Variants in KCNQ1OT1 observed in about 807,000 individuals in gnomAD.
KCNQ1OT1 encodes KCNQ1 opposite strand/antisense transcript 1.
At chr11:2,646,637 C>T (rs1057069327) in exon 1 of KCNQ1OT1, 1 of 398,498 alleles carries the variant, frequency 2.5e-6, no homozygotes, top group Non-Finnish European at 4.4e-6. Flanking sequence ...GTGATCCTCC[C>T]ATCTCAGCCT....
At chr11:2,628,658 T>C in exon 1 of KCNQ1OT1, 1 of 398,428 alleles carries the variant, frequency 2.5e-6, no homozygotes, top group Admixed American at 4.4e-5. Context: ...TCTAATTTAT[T>C]TTTGCGTTTT....
exon 1 of KCNQ1OT1, chr11:2,692,226 TGCCCATCACCTCAA>T: frequency 2.5e-6 from 1 of 398,998 alleles, no homozygotes; most frequent in Non-Finnish European, 4.4e-6. Flanking sequence ...CCTCACCACC[TGCCCATCACCTCAA>T]GCCCATCACC....
At chr11:2,630,273 A>C (rs1445017680) in exon 1 of KCNQ1OT1, 1 of 398,092 alleles carries the variant, frequency 2.5e-6, no homozygotes, top group Non-Finnish European at 4.4e-6. Context: ...CATGTTTGTG[A>C]TATATGATTT....
chr11:2,643,860 T>G (rs113823693), exon 1 of KCNQ1OT1: 4 of 398,594 alleles, frequency 1.0e-5, no homozygotes, highest in African/African-American at 4.1e-5. Context: ...ATAACTTTGC[T>G]AAGTACAGTA....
In KCNQ1OT1 at chr11:2,670,344, G is replaced by A. The variant is rs1222549388; in HGVS notation, n.29651C>T. The A allele has an allele frequency of 5.0e-6, 2 of 398,438 alleles. No individual in the cohort carries two copies. The highest frequency in any genetic ancestry group is 8.8e-6 in the Non-Finnish European group (2 of 226,084). 24.7% of individuals were successfully genotyped at this position (398,438 alleles called of 1,614,324 possible). A position where few individuals can be genotyped will look rare whatever the true frequency, so the allele number is the denominator to read the frequency against. ...TATGGTAGCAGAGTTCAGACTCAGT[G>A]GCTTTCAGATGGTTAGTATAGGCTG... On this transcript the variant is annotated non_coding_transcript_exon_variant, in exon 1 of 1. Transcript: ENST00000597346. The surrounding 1 kb of genome is among the most constrained non-coding windows in gnomAD (Gnocchi z 4.9).
In KCNQ1OT1 at chr11:2,695,347, C is replaced by G. The variant is rs1325699648; in HGVS notation, n.4648G>C. On this transcript the variant is annotated non_coding_transcript_exon_variant, in exon 1 of 1. Transcript: ENST00000597346. The surrounding 1 kb of genome is among the most constrained non-coding windows in gnomAD (Gnocchi z 5.2). Reference sequence around the variant, plus strand: ...ATATCATTGTGTGTGTGTGTGTGCACTCACGAGCACTCCCTAGTACTGCGT... The same window carrying G: ...ATATCATTGTGTGTGTGTGTGTGCAGTCACGAGCACTCCCTAGTACTGCGT... 2.5e-6 allele frequency: 1 copy of G among 397,136 alleles called. No individual in the cohort carries two copies. Among genetic ancestry groups the G allele is most frequent in the Non-Finnish European group, 4.4e-6 (1 of 225,586 alleles). The allele number at this position is 397,136 out of a possible 1,614,324, so 24.6% of individuals were successfully genotyped here. A position where few individuals can be genotyped will look rare whatever the true frequency, so the allele number is the denominator to read the frequency against.
chr11:2,694,863 G>T lies in KCNQ1OT1; in HGVS notation n.5132C>A, dbSNP rs891388764. On this transcript the variant is annotated non_coding_transcript_exon_variant, in exon 1 of 1. Transcript: ENST00000597346. ...CAGGTCAGAGCAAAATTTCCTGTGA[G>T]ATTTAAATAAGAAGAAGGAATTGTC... 3 of 398,560 alleles carry T rather than the reference G, an allele frequency of 7.5e-6. No homozygotes were observed. In the Admixed American group the frequency reaches 1.3e-4, roughly 18 times the overall value. 24.7% of individuals were successfully genotyped at this position (398,560 alleles called of 1,614,324 possible).
exon 1 of KCNQ1OT1, chr11:2,634,135 A>ATT (rs35461041): frequency 0.54 from 206,716 of 379,818 alleles, 34,703 homozygotes; most frequent in Admixed American, 0.63. Flanking sequence ...TGTCTTTGGT[A>ATT]TTTTTTTTTT....
exon 1 of KCNQ1OT1, chr11:2,628,888 G>A (rs2133813483): frequency 2.5e-6 from 1 of 398,248 alleles, no homozygotes; most frequent in East Asian, 3.6e-5. Flanking sequence ...TCCCCATTGT[G>A]TACTCTTGGT....
At position 2,698,821 on chromosome 11, in the gene KCNQ1OT1, A is replaced by C; in HGVS notation, n.1174T>G. ...GACTCCCGATCCTCTGTCCCTAATG[A>C]GGCCCTACCTAAAACCACCATGCGG... On this transcript the variant is annotated non_coding_transcript_exon_variant, in exon 1 of 1. Transcript: ENST00000597346. The surrounding 1 kb of genome is among the most constrained non-coding windows in gnomAD (Gnocchi z 5.1). 2.5e-6 allele frequency: 1 copy of C among 398,714 alleles called. No homozygotes were observed. The highest frequency in any genetic ancestry group is 4.4e-5 in the Admixed American group (1 of 22,714). 24.7% of individuals were successfully genotyped at this position (398,714 alleles called of 1,614,324 possible). A position where few individuals can be genotyped will look rare whatever the true frequency, so the allele number is the denominator to read the frequency against.
At chr11:2,622,784 G>A (rs72850242) in exon 1 of KCNQ1OT1, 53,890 of 398,422 alleles carry the variant, frequency 0.14, 3,808 homozygotes, top group African/African-American at 0.18. Flanking sequence ...GAGATTTCCC[G>A]TATACCCACT....
Position 2,657,579 on chromosome 11 carries a change from C to T in KCNQ1OT1, n.42416G>A, listed in dbSNP as rs1849871944. ...CCCCTAATGTTAGCATCTTATATAA[C>T]CATGGTACATTGACCAAAACTAAAA... On this transcript the variant is annotated non_coding_transcript_exon_variant, in exon 1 of 1. Transcript: ENST00000597346. The surrounding 1 kb of genome is among the most constrained non-coding windows in gnomAD (Gnocchi z 4.8). 2.5e-6 allele frequency: 1 copy of T among 398,572 alleles called. No individual in the cohort carries two copies. The highest frequency in any genetic ancestry group is 4.4e-6 in the Non-Finnish European group (1 of 226,060). 24.7% of individuals were successfully genotyped at this position (398,572 alleles called of 1,614,324 possible).
Position 2,671,831 on chromosome 11 carries a change from T to TA in KCNQ1OT1, n.28163dup. The TA allele has an allele frequency of 2.5e-6, 1 of 398,774 alleles. No individual in the cohort carries two copies. The highest frequency in any genetic ancestry group is 4.4e-6 in the Non-Finnish European group (1 of 226,156). The allele number at this position is 398,774 out of a possible 1,614,324, so 24.7% of individuals were successfully genotyped here. On this transcript the variant is annotated non_coding_transcript_exon_variant, in exon 1 of 1. Transcript: ENST00000597346. The surrounding 1 kb of genome is among the most constrained non-coding windows in gnomAD (Gnocchi z 4.7). ...TAAATCCCTGCAACCCCACTGTGGT[T>TA]ATAGGTCTGAGCCTTCTGCCCCAGG...
rs147991756 is a variant in KCNQ1OT1, at chr11:2,683,944, C to T, written n.16051G>A. On this transcript the variant is annotated non_coding_transcript_exon_variant, in exon 1 of 1. Coordinates refer to ENST00000597346, the Ensembl canonical transcript of KCNQ1OT1. This position sits in a 1 kb window ranked among gnomAD's most constrained non-coding sequence, Gnocchi z 4.7. Reference sequence around the variant, plus strand: ...GACACGTTTCATAGTCAGACAAAACCAGCTGACTGCTTTTACTTTTTTTTT... The same window carrying T: ...GACACGTTTCATAGTCAGACAAAACTAGCTGACTGCTTTTACTTTTTTTTT... The T allele has an allele frequency of 1.3e-3, 501 of 396,930 alleles. 2 individuals carry two copies. In the East Asian group the frequency reaches 0.016, roughly 12 times the overall value. The allele number at this position is 396,930 out of a possible 1,614,324, so 24.6% of individuals were successfully genotyped here.
At chr11:2,646,828 G>C (rs1029353229) in exon 1 of KCNQ1OT1, 7 of 398,394 alleles carry the variant, frequency 1.8e-5, no homozygotes, top group Admixed American at 1.3e-4. Context: ...ACTAATTTTT[G>C]TTTGTTGATT....
Position 2,691,348 on chromosome 11 carries a change from C to A in KCNQ1OT1, n.8647G>T, listed in dbSNP as rs534864134. On this transcript the variant is annotated non_coding_transcript_exon_variant, in exon 1 of 1. Transcript: ENST00000597346. The surrounding 1 kb of genome is among the most constrained non-coding windows in gnomAD (Gnocchi z 6.4). ...CAATCCACTGCACTTACAGTGACCA[C>A]CCATCCTGACATCTTGGGCTCAGGC... 15 of 398,624 alleles carry A rather than the reference C, an allele frequency of 3.8e-5. No homozygotes were observed. The South Asian group carries it at 1.9e-3, about 51-fold the overall frequency. 24.7% of individuals were successfully genotyped at this position (398,624 alleles called of 1,614,324 possible).
In KCNQ1OT1 at chr11:2,623,364, A is replaced by G. The variant is rs1231722300; in HGVS notation, n.76631T>C. Reference sequence around the variant, plus strand: ...CCATTATAGTATCATACAGATACGTATATTTACATATATTTGTACATTTTC... The same window carrying G: ...CCATTATAGTATCATACAGATACGTGTATTTACATATATTTGTACATTTTC... On this transcript the variant is annotated non_coding_transcript_exon_variant, in exon 1 of 1. Coordinates refer to ENST00000597346, the Ensembl canonical transcript of KCNQ1OT1. The surrounding 1 kb of genome is among the most constrained non-coding windows in gnomAD (Gnocchi z 5.2). 7.5e-6 allele frequency: 3 copies of G among 398,602 alleles called. No individual in the cohort carries two copies. Among genetic ancestry groups the G allele is most frequent in the Non-Finnish European group, 1.3e-5 (3 of 226,066 alleles). The allele number at this position is 398,602 out of a possible 1,614,324, so 24.7% of individuals were successfully genotyped here. A position where few individuals can be genotyped will look rare whatever the true frequency, so the allele number is the denominator to read the frequency against.
At position 2,684,705 on chromosome 11, in the gene KCNQ1OT1, C is replaced by T. The variant is rs539789755; in HGVS notation, n.15290G>A. ...GTGGCCAACTGAGCACTTGCTCAGG[C>T]GGAGGGGCCTGGAGAGAACCCAGGG... On this transcript the variant is annotated non_coding_transcript_exon_variant, in exon 1 of 1. Coordinates refer to ENST00000597346, the Ensembl canonical transcript of KCNQ1OT1. 2.9e-4 allele frequency: 116 copies of T among 398,556 alleles called. No homozygotes were observed. The highest frequency in any genetic ancestry group is 2.5e-3 in the Middle Eastern group (4 of 1,588). 24.7% of individuals were successfully genotyped at this position (398,556 alleles called of 1,614,324 possible).
At chr11:2,692,651 G>A (rs912206423) in exon 1 of KCNQ1OT1, 31 of 398,680 alleles carry the variant, frequency 7.8e-5, no homozygotes, top group African/African-American at 5.5e-4. Context: ...ACTCCCCTCA[G>A]GGTGCAAACG....
Sources: gnomAD v4.1 joint callset for allele counts on GRCh38, gnomAD v4.1.1 for gene constraint, Gnocchi (gnomAD v3.1) non-coding constraint, MANE v1.5 for transcripts, NCBI Gene and HGNC (gene_info 2026-07-23, HGNC 2026-07-21) for gene names.